KIFC3: variants seen among roughly 807,000 people sequenced by gnomAD.
KIFC3 encodes kinesin-like protein KIFC3.
Under a neutral mutation model 101.8 loss-of-function variants are expected in KIFC3, and 60 were observed. That is an observed-to-expected ratio of 0.59 (90% confidence interval 0.48 to 0.73). KIFC3 has a LOEUF of 0.73. KIFC3 is among the 30% of genes least tolerant of loss of function. The pLI, the probability that KIFC3 is intolerant of heterozygous loss-of-function variation, is 0.00. For missense variants in KIFC3, 966 were observed against 1,137.1 expected, an observed-to-expected ratio of 0.85 and a Z score of 2.16; for synonymous variants, 476 against 482.7, an observed-to-expected ratio of 0.99 and a Z score of 0.18.
chr16:57,760,540 G>A, intron 16 of KIFC3, 124 bp from the exon 17 acceptor site: 1 of 1,212,998 alleles, frequency 8.2e-7, no homozygotes, highest in Admixed American at 1.9e-5. Flanking sequence ...TGGGGTGGGA[G>A]GGCAGGCAAC....
intron 1 of KIFC3, among the ~76,000 whole-genome samples, chr16:57,811,851 G>GT (rs1410303579): frequency 2.7e-5 from 4 of 149,894 alleles, no homozygotes; most frequent in Admixed American, 2.7e-4. Flanking sequence ...GGAGGCAGAG[G>GT]TTGCAGTGAG....
intron 11 of KIFC3, among the ~76,000 whole-genome samples, chr16:57,765,088 GA>G (rs2050324271): frequency 6.7e-6 from 1 of 149,780 alleles, no homozygotes; most frequent in African/African-American, 2.4e-5. Context: ...AGGGGCTGTG[GA>G]TATAGGAGGG....
At chr16:57,861,974 T>A (rs1959306800) in intron 1 of KIFC3, among the ~76,000 whole-genome samples, 2 of 151,938 alleles carry the variant, frequency 1.3e-5, no homozygotes, top group South Asian at 4.2e-4. Context: ...ATAATAATAA[T>A]CTTTCCAACA....
Position 57,765,475 on chromosome 16 carries a change from T to G in KIFC3, c.1496A>C (p.Gln499Pro), listed in dbSNP as rs782499565. The G allele has an allele frequency of 1.5e-5, 23 of 1,583,848 alleles. No individual in the cohort carries two copies. Among genetic ancestry groups the G allele is most frequent in the Non-Finnish European group, 1.9e-5 (22 of 1,163,702 alleles). ...CACACTCACGTCCTGCTGCGAGGCC[T>G]GTGGGGAGAAGACCTTGTCCAGCTC... ...SFELDKVFSP[Q>P]ASQQDVFQEV... The change falls in exon 11 of 20, where the codon CAG (glutamine) becomes CCG (proline). Residue 499 changes from glutamine to proline, a missense_variant. Gln to Pro is a moderately conservative substitution (Grantham distance 76). This residue lies in a region of KIFC3 where 689 missense variants were observed against 884.6 expected (regional missense o/e 0.78). Transcript: ENST00000445690.
rs782580005 is a variant in KIFC3 at position 57,769,739 on chromosome 16, C to T, written c.1088-14G>A. The T allele has an allele frequency of 3.6e-5, 58 of 1,612,742 alleles. No homozygotes were observed. Among genetic ancestry groups the T allele is most frequent in the East Asian group, 1.3e-4 (6 of 44,894 alleles). ...TGGTCCGGACGCCTATGGGGACACT[C>T]GGGCTGTGAGGCGGGAGGGGATGAG... On this transcript the variant is annotated splice_polypyrimidine_tract_variant and intron_variant, in intron 8 of 19. Coordinates refer to ENST00000445690, the MANE Select transcript of KIFC3 (RefSeq NM_001130100.2). The surrounding 1 kb of genome is among the most constrained non-coding windows in gnomAD (Gnocchi z 4.3).
chr16:57,845,236 G>A (rs779611534), intron 1 of KIFC3, among the ~76,000 whole-genome samples: 6 of 152,030 alleles, frequency 3.9e-5, no homozygotes, highest in Admixed American at 6.6e-5. Flanking sequence ...AACTCCTGCC[G>A]GCTCTACCTT....
intron 2 of KIFC3, 73 bp downstream of exon 2, chr16:57,797,999 A>C (rs1303832913): frequency 1.3e-6 from 2 of 1,549,328 alleles, no homozygotes; most frequent in Non-Finnish European, 1.7e-6. Flanking sequence ...AACCGGTGAG[A>C]AACCTCAGTC....
intron 1 of KIFC3, among the ~76,000 whole-genome samples, chr16:57,836,966 T>G (rs1462142925): frequency 2.0e-5 from 3 of 152,196 alleles, no homozygotes; most frequent in African/African-American, 7.2e-5. Flanking sequence ...AGTGTTGAGA[T>G]TACAGGTGTA....
intron 3 of KIFC3, chr16:57,775,714 C>G: frequency 1.0e-6 from 1 of 985,616 alleles, no homozygotes; most frequent in South Asian, 4.7e-5. Flanking sequence ...CCGATACATA[C>G]TTGTGGCCAC....
chr16:57,818,090 G>C (rs142120799), intron 1 of KIFC3, among the ~76,000 whole-genome samples: 2 of 150,716 alleles, frequency 1.3e-5, no homozygotes, highest in Non-Finnish European at 3.0e-5. Context: ...GTGCAGTGGC[G>C]TGATCTCTGC....
chr16:57,763,320 C>T (rs1452881977), intron 12 of KIFC3, among the ~76,000 whole-genome samples: 3 of 152,142 alleles, frequency 2.0e-5, no homozygotes, highest in Non-Finnish European at 2.9e-5. Context: ...CAGAGGATGC[C>T]GCACACATCC....
chr16:57,819,236 G>A lies in KIFC3; in HGVS notation c.109-20954C>T, dbSNP rs575287945. On this transcript the variant is annotated intron_variant, in intron 1 of 2. Transcript: ENST00000563028. ...TGTACTCCCAGTACTTTGGGAGGCCGAGACAGGAGGATCACTTGAGCCTAG... is the reference window on the plus strand; with the variant it reads ...TGTACTCCCAGTACTTTGGGAGGCCAAGACAGGAGGATCACTTGAGCCTAG... Among the ~76,000 whole-genome samples, 419 of 152,332 alleles carry A rather than the reference G, an allele frequency of 2.8e-3. 5 individuals are homozygous for A. Among genetic ancestry groups the A allele is most frequent in the African/African-American group, 3.6e-3 (148 of 41,596 alleles).
rs556029300 is a variant in KIFC3, at chr16:57,781,652, A to C, written c.316-9364T>G. Among the ~76,000 whole-genome samples the C allele has an allele frequency of 3.3e-5, 5 of 152,370 alleles. No individual in the cohort carries two copies. In the South Asian group the frequency reaches 8.3e-4, roughly 25 times the overall value. On this transcript the variant is annotated intron_variant, in intron 3 of 19. Transcript: ENST00000445690. The stretch of plus-strand genomic sequence containing the variant: ...GGTCTGAGAAGACTCCTGAGCTCCC[A>C]CAAGCCCAGGTCCCAACAGTGATAA...
chr16:57,761,138 C>G lies in KIFC3; in HGVS notation c.1906G>C (p.Glu636Gln). 1.2e-6 allele frequency: 2 copies of G among 1,613,980 alleles called. No homozygotes were observed. The highest frequency in any genetic ancestry group is 2.2e-5 in the East Asian group (1 of 44,874). The change falls in exon 15 of 20, where the codon GAG (glutamate) becomes CAG (glutamine). Residue 636 changes from glutamate to glutamine, a missense_variant. Physicochemically the swap from Glu to Gln is conservative, Grantham distance 29. This residue lies in a region of KIFC3 where 689 missense variants were observed against 884.6 expected (regional missense o/e 0.78). Transcript: ENST00000445690. The part of the protein sequence containing the change: ...FEFGHTNRTT[E>Q]FTNLNEHSSR... ...CTGTGCTCGTTCAGGTTGGTGAACT[C>G]GGTCGTGCGATTAGTGTGGCCAAAC...
intron 2 of KIFC3, among the ~76,000 whole-genome samples, chr16:57,795,556 C>T (rs187499641): frequency 4.3e-4 from 66 of 152,332 alleles, no homozygotes; most frequent in African/African-American, 1.3e-3. Flanking sequence ...GCAATTTCTT[C>T]CCTGACTTCA....
chr16:57,832,321 CTTTTTTTTTTTTTTT>C (rs1165977084), intron 1 of KIFC3, among the ~76,000 whole-genome samples: 37 of 73,512 alleles, frequency 5.0e-4, no homozygotes, highest in African/African-American at 1.4e-3. Context: ...GCGCCAGGCC[CTTTTTTTTTTTTTTT>C]TTTTTTTTTT....
At chr16:57,810,269 G>A (rs2055038542) in intron 1 of KIFC3, among the ~76,000 whole-genome samples, 1 of 152,224 alleles carries the variant, frequency 6.6e-6, no homozygotes, top group Non-Finnish European at 1.5e-5. Context: ...GAAAGCCATA[G>A]CCACAGCCCC....
chr16:57,815,754 C>A, intron 1 of KIFC3: 1 of 927,164 alleles, frequency 1.1e-6, no homozygotes, highest in Non-Finnish European at 1.5e-6. Context: ...TGTCCCACGG[C>A]CAAGTTGCCT....
At chr16:57,794,013 C>T (rs1211416243) in intron 3 of KIFC3, among the ~76,000 whole-genome samples, 1 of 152,100 alleles carries the variant, frequency 6.6e-6, no homozygotes. Context: ...TGACCAGCAG[C>T]GAGTAACTTA....
Sources: gnomAD v4.1 joint callset for allele counts (sites outside exome capture counted in the v4.1 genomes callset) on GRCh38, gnomAD v4.1.1 for gene constraint, gnomAD v4.1.1 regional missense constraint, Gnocchi (gnomAD v3.1) non-coding constraint, MANE v1.5 for transcripts, NCBI Gene and HGNC (gene_info 2026-07-23, HGNC 2026-07-21) for gene names.